PRKN: variants seen among roughly 807,000 people sequenced by gnomAD.
PRKN encodes parkin RBR E3 ubiquitin protein ligase.
In PRKN, 56 loss-of-function variants were observed where a neutral mutation model predicts 59.5. That is an observed-to-expected ratio of 0.94 (90% CI 0.76 to 1.18). PRKN has a LOEUF of 1.18. Among genes scored for constraint, PRKN ranks in the 50% most tolerant of loss-of-function variants. The pLI is 0.00. For synonymous variants in PRKN, 250 were observed against 222.1 expected, an observed-to-expected ratio of 1.13 and a Z score of -1.12; for missense variants, 657 against 596.4, an observed-to-expected ratio of 1.10 and a Z score of -1.06.
chr6:162,617,710 T>C (rs73595980), intron 1 of PRKN, among the ~76,000 whole-genome samples: 3,069 of 152,312 alleles, frequency 0.02, 108 homozygotes, highest in African/African-American at 0.069. Flanking sequence ...TTATCTGTCT[T>C]TCTGTGCCTG....
In PRKN at chr6:161,546,281, G is replaced by A. The variant is rs1432272700; in HGVS notation, c.1083+2573C>T. ...AGTTGCTCATATATACCCTATTTTA[G>A]AGATAAGGAAACCGAGAAAGATGAA... On this transcript the variant is annotated intron_variant, in intron 9 of 11. Transcript: ENST00000366898. The surrounding 1 kb of genome is among the most constrained non-coding windows in gnomAD (Gnocchi z 4.4). Among the ~76,000 whole-genome samples, 2 of 152,018 alleles carry A rather than the reference G, an allele frequency of 1.3e-5. No individual in the cohort carries two copies. Among genetic ancestry groups the A allele is most frequent in the African/African-American group, 4.8e-5 (2 of 41,380 alleles).
intron 5 of PRKN, among the ~76,000 whole-genome samples, chr6:162,036,429 G>T (rs1485978999): frequency 6.6e-6 from 1 of 151,744 alleles, no homozygotes; most frequent in African/African-American, 2.4e-5. Flanking sequence ...GCCCAGGGTG[G>T]AGTGCAACGG....
chr6:162,339,130 G>A (rs1469553441), intron 2 of PRKN, among the ~76,000 whole-genome samples: 28 of 144,510 alleles, frequency 1.9e-4, no homozygotes, highest in South Asian at 4.5e-4. Context: ...GAGCCCCTCC[G>A]CCCGGCAGCC....
intron 3 of PRKN, 149 bp from the exon 4 acceptor site, chr6:162,201,401 T>A: frequency 1.4e-6 from 1 of 725,760 alleles, no homozygotes; most frequent in Non-Finnish European, 2.4e-6. Context: ...CCAATGGGAA[T>A]ACAACAATTT....
At chr6:162,591,310 T>A (rs987363784) in intron 1 of PRKN, among the ~76,000 whole-genome samples, 20 of 152,128 alleles carry the variant, frequency 1.3e-4, no homozygotes, top group African/African-American at 4.8e-4. Context: ...CCACATGTCG[T>A]GTTCTGCTTT....
chr6:162,463,156 T>A (rs1414293891), intron 1 of PRKN, among the ~76,000 whole-genome samples: 2 of 152,206 alleles, frequency 1.3e-5, no homozygotes, highest in Non-Finnish European at 1.5e-5. Context: ...AGGGTCTGCT[T>A]GAGTTTGTAT....
chr6:162,358,831 G>A (rs372088228), intron 2 of PRKN, among the ~76,000 whole-genome samples: 183 of 151,930 alleles, frequency 1.2e-3, no homozygotes, highest in East Asian at 8.2e-3. Context: ...AGGCCAAGGC[G>A]GGTGGATCAC....
At chr6:161,619,671 C>T (rs1432000766) in intron 7 of PRKN, among the ~76,000 whole-genome samples, 2 of 152,128 alleles carry the variant, frequency 1.3e-5, no homozygotes, top group African/African-American at 2.4e-5. Context: ...TAGCCCTTGA[C>T]TTGAATTGGG....
At chr6:161,870,113 G>A (rs931987824) in intron 6 of PRKN, among the ~76,000 whole-genome samples, 3 of 152,132 alleles carry the variant, frequency 2.0e-5, no homozygotes, top group South Asian at 2.1e-4. Flanking sequence ...AACCAGGGCC[G>A]ACCTTGCTTA....
intron 6 of PRKN, among the ~76,000 whole-genome samples, chr6:161,822,668 G>A (rs1029729555): frequency 2.6e-5 from 4 of 151,786 alleles, no homozygotes; most frequent in South Asian, 2.1e-4. Flanking sequence ...AGAGTGAAAC[G>A]CTGTCAAAAA....
rs1338359346 is a variant in PRKN, at chr6:161,361,367, T to C, written c.1168-1162A>G. Among the ~76,000 whole-genome samples the C allele has an allele frequency of 3.9e-5, 6 of 152,188 alleles. No homozygotes were observed. In the East Asian group the frequency reaches 1.2e-3, roughly 29 times the overall value. On this transcript the variant is annotated intron_variant, in intron 10 of 11. Transcript: ENST00000366898. This position sits in a 1 kb window ranked among gnomAD's most constrained non-coding sequence, Gnocchi z 5.2. ...CAATTCTTCCAGAGCCAAGATCACA[T>C]TTGAGACATCCTCATATCCCCAGTT...
chr6:161,662,015 T>C (rs1260069407), intron 7 of PRKN, among the ~76,000 whole-genome samples: 1 of 152,000 alleles, frequency 6.6e-6, no homozygotes. Context: ...AGAGCGAGAC[T>C]CTGTCTCAAA....
chr6:162,606,914 T>C (rs1380953146), intron 1 of PRKN, among the ~76,000 whole-genome samples: 1 of 152,122 alleles, frequency 6.6e-6, no homozygotes, highest in Non-Finnish European at 1.5e-5. Flanking sequence ...GTTTTCACCA[T>C]ATAGGCCAGG....
intron 7 of PRKN, among the ~76,000 whole-genome samples, chr6:161,629,767 C>T (rs184575391): frequency 2.6e-5 from 4 of 152,274 alleles, no homozygotes; most frequent in Admixed American, 2.0e-4. Context: ...CACATAAGCT[C>T]GTGCTGAAGA....
chr6:162,553,557 A>AAAAAAAC lies in PRKN; in HGVS notation c.8-110085_8-110084insGTTTTTT, dbSNP rs1554242558. Among the ~76,000 whole-genome samples, 217 of 138,686 alleles carry AAAAAAAC rather than the reference A, an allele frequency of 1.6e-3. 1 individual carries two copies. Among genetic ancestry groups the AAAAAAAC allele is most frequent in the African/African-American group, 3.3e-3 (127 of 38,556 alleles). 91.0% of individuals were successfully genotyped at this position (138,686 alleles called of 152,430 possible). A position where few individuals can be genotyped will look rare whatever the true frequency, so the allele number is the denominator to read the frequency against. On this transcript the variant is annotated intron_variant, in intron 1 of 11. Coordinates refer to ENST00000366898, the MANE Select transcript of PRKN (RefSeq NM_004562.3). ...TGTTTACTACCAAAAAAAAAAAAAAACACCCTAAAGCTTCAAGGGAAAGAA... is the reference window on the plus strand; with the variant it reads ...TGTTTACTACCAAAAAAAAAAAAAAAAAAAAACCACCCTAAAGCTTCAAGGGAAAGAA...
intron 6 of PRKN, among the ~76,000 whole-genome samples, chr6:161,900,100 G>A (rs1476644966): frequency 6.9e-6 from 1 of 145,132 alleles, no homozygotes; most frequent in East Asian, 2.9e-4. Context: ...GACAGAGTGA[G>A]ATTCTGACTC....
intron 5 of PRKN, among the ~76,000 whole-genome samples, chr6:162,031,082 G>C (rs146176103): frequency 4.6e-5 from 7 of 152,260 alleles, no homozygotes; most frequent in African/African-American, 1.7e-4. Context: ...CTTTGATGTT[G>C]GCCAACTTGA....
chr6:162,000,851 TTG>T (rs869163892), intron 5 of PRKN, among the ~76,000 whole-genome samples: 94 of 58,112 alleles, frequency 1.6e-3, no homozygotes, highest in Middle Eastern at 9.3e-3. Flanking sequence ...CCAGATTTTT[TTG>T]TTTTTGCATG....
At position 161,352,927 on chromosome 6, in the gene PRKN, C is replaced by A. The variant is rs1394674593; in HGVS notation, c.1286-2716G>T. 6.6e-6 allele frequency among the ~76,000 whole-genome samples: 1 copy of A among 151,918 alleles called. No homozygotes were observed. Among genetic ancestry groups the A allele is most frequent in the Non-Finnish European group, 1.5e-5 (1 of 67,978 alleles). Reference sequence around the variant, plus strand: ...CTCGAGTAGTTGGAATTACAGGCACCTGCCACCACGCCTGGCTAAATTTTG... The same window carrying A: ...CTCGAGTAGTTGGAATTACAGGCACATGCCACCACGCCTGGCTAAATTTTG... On this transcript the variant is annotated intron_variant, in intron 11 of 11. Coordinates refer to ENST00000366898, the MANE Select transcript of PRKN (RefSeq NM_004562.3). The surrounding 1 kb of genome is among the most constrained non-coding windows in gnomAD (Gnocchi z 5.8).
Sources: allele counts gnomAD v4.1 joint callset (sites outside exome capture counted in the v4.1 genomes callset), GRCh38; gene constraint gnomAD v4.1.1; non-coding constraint Gnocchi (gnomAD v3.1); transcripts MANE v1.5; gene names NCBI Gene and HGNC (gene_info 2026-07-23, HGNC 2026-07-21).